The following FAM13A variants were observed in gnomAD, a reference collection of about 807,000 sequenced individuals.
FAM13A encodes protein FAM13A.
Under a neutral mutation model 129.6 loss-of-function variants are expected in FAM13A, and 76 were observed. That is an observed-to-expected ratio of 0.59 (90% confidence interval 0.49 to 0.71). The LOEUF (loss-of-function observed/expected upper bound fraction) is 0.71, where lower values mean the gene tolerates loss of function less well. Ranked by LOEUF, FAM13A falls within the 30% of genes least tolerant of loss-of-function variation. The probability of loss-of-function intolerance (pLI) is 0.00; values close to 1 mark genes in which losing one functional copy is unlikely to be tolerated. For missense variants in FAM13A, 1,108 were observed against 1,249.3 expected (o/e 0.89, Z 1.70); for synonymous variants, 443 against 449.9 (o/e 0.98, Z 0.20).
intron 4 of FAM13A, among the ~76,000 whole-genome samples, chr4:88,943,233 T>C (rs1755079913): frequency 6.6e-6 from 1 of 152,218 alleles, no homozygotes; most frequent in Non-Finnish European, 1.5e-5. Context: ...AAACTAACTT[T>C]TGAACATTCC....
intron 1 of FAM13A, among the ~76,000 whole-genome samples, chr4:89,040,928 G>A (rs186825495): frequency 6.6e-6 from 1 of 152,236 alleles, no homozygotes; most frequent in East Asian, 1.9e-4. Context: ...TGAGTCTTCT[G>A]CCCTCCACCT....
chr4:88,826,300 G>A (rs1444577107), intron 7 of FAM13A, among the ~76,000 whole-genome samples: 1 of 127,482 alleles, frequency 7.8e-6, no homozygotes, highest in Non-Finnish European at 1.6e-5. Context: ...CATACCAACT[G>A]GCACGTAGGA....
At chr4:88,895,569 A>G (rs1230670403) in intron 6 of FAM13A, among the ~76,000 whole-genome samples, 2 of 150,160 alleles carry the variant, frequency 1.3e-5, no homozygotes, top group Non-Finnish European at 3.0e-5. Context: ...AAACAAATTT[A>G]CAAGAAAAAA....
intron 1 of FAM13A, among the ~76,000 whole-genome samples, chr4:89,036,450 A>G (rs1463118616): frequency 6.6e-6 from 1 of 152,246 alleles, no homozygotes. Context: ...ATGAGCAAAG[A>G]GATTATCTGA....
chr4:88,838,320 A>G (rs879772517), intron 7 of FAM13A, among the ~76,000 whole-genome samples: 4 of 152,242 alleles, frequency 2.6e-5, no homozygotes, highest in Non-Finnish European at 5.9e-5. Flanking sequence ...TTAAGCACTG[A>G]ATATGGAAAA....
chr4:88,741,635 T>C (rs1740279576), intron 19 of FAM13A, among the ~76,000 whole-genome samples: 1 of 152,216 alleles, frequency 6.6e-6, no homozygotes, highest in Non-Finnish European at 1.5e-5. Context: ...TCTGCATTTA[T>C]GTTATACAGG....
intron 1 of FAM13A, among the ~76,000 whole-genome samples, chr4:89,046,074 A>C (rs1013763463): frequency 6.6e-6 from 1 of 151,920 alleles, no homozygotes; most frequent in Non-Finnish European, 1.5e-5. Flanking sequence ...CATATTTAAT[A>C]ATCAGCCAAG....
intron 7 of FAM13A, among the ~76,000 whole-genome samples, chr4:88,847,004 A>T (rs1281352447): frequency 6.6e-6 from 1 of 152,232 alleles, no homozygotes; most frequent in Non-Finnish European, 1.5e-5. Flanking sequence ...TATATAAAGG[A>T]TTTAAAATTT....
chr4:88,862,499 T>C (rs1739654106), intron 6 of FAM13A, among the ~76,000 whole-genome samples: 1 of 152,226 alleles, frequency 6.6e-6, no homozygotes, highest in Admixed American at 6.5e-5. Context: ...CTTTATTTGC[T>C]ATTCAGTAGG....
chr4:88,822,933 C>A, intron 7 of FAM13A: 1 of 1,604,818 alleles, frequency 6.2e-7, no homozygotes, highest in Non-Finnish European at 8.5e-7. Context: ...TGATACAACT[C>A]AAAAAATACA....
chr4:88,906,278 ACT>A (rs1350106260), intron 6 of FAM13A, 99 bp downstream of exon 6: 2 of 834,358 alleles, frequency 2.4e-6, no homozygotes, highest in Admixed American at 4.4e-5. Context: ...ATAAAGCAAG[ACT>A]CTGTCTCAAA....
In FAM13A at chr4:88,915,139, A is replaced by G. The variant is rs1749902844; in HGVS notation, c.760-8677T>C. Among the ~76,000 whole-genome samples the G allele has an allele frequency of 2.0e-5, 3 of 152,212 alleles. No homozygotes were observed. In the South Asian group the frequency reaches 6.2e-4, roughly 32 times the overall value. On this transcript the variant is annotated intron_variant, in intron 5 of 23. Coordinates refer to ENST00000264344, the MANE Select transcript of FAM13A (RefSeq NM_014883.4). ...AGGAAAGCGCATGTAGAACAGTGCT[A>G]CTTTGCACATAACCAGGGTCCAATA... is the stretch of plus-strand genomic sequence containing the variant.
intron 7 of FAM13A, among the ~76,000 whole-genome samples, chr4:88,839,625 G>A (rs1045170893): frequency 1.3e-5 from 2 of 152,278 alleles, no homozygotes; most frequent in Middle Eastern, 3.4e-3. Flanking sequence ...AGTGGCTCAC[G>A]CCTGTAATCC....
chr4:88,783,834 C>A (rs1723439844), intron 10 of FAM13A, among the ~76,000 whole-genome samples: 1 of 152,004 alleles, frequency 6.6e-6, no homozygotes, highest in South Asian at 2.1e-4. Context: ...CATGTGCAGA[C>A]ACAGTGAAAA....
At chr4:88,828,984 T>C (rs1170826207) in intron 7 of FAM13A, among the ~76,000 whole-genome samples, 3 of 152,226 alleles carry the variant, frequency 2.0e-5, no homozygotes. Flanking sequence ...TTTCTAATTT[T>C]CTTACATAAC....
Position 88,728,460 on chromosome 4 carries a change from C to T in FAM13A, c.*73G>A. The T allele has an allele frequency of 3.1e-6, 5 of 1,599,146 alleles. No individual in the cohort carries two copies. The highest frequency in any genetic ancestry group is 4.3e-6 in the Non-Finnish European group (5 of 1,169,858). ...GCAGGGCCAGCCCCAAGGCTGCCTT[C>T]CAGAGCTGCACTTTCTCTGGGGACA... On this transcript the variant is annotated 3_prime_UTR_variant, in exon 24 of 24. Coordinates refer to ENST00000264344, the MANE Select transcript of FAM13A (RefSeq NM_014883.4).
chr4:88,756,344 T>C (rs1379750084), intron 14 of FAM13A, among the ~76,000 whole-genome samples: 3 of 152,216 alleles, frequency 2.0e-5, no homozygotes, highest in African/African-American at 7.2e-5. Context: ...TCCCTTTTTG[T>C]TTACTTGATA....
chr4:88,918,780 A>G (rs184304867), intron 5 of FAM13A, among the ~76,000 whole-genome samples: 50 of 152,334 alleles, frequency 3.3e-4, no homozygotes, highest in African/African-American at 1.2e-3. Flanking sequence ...TGTGTACACC[A>G]TATCATTTCC....
intron 6 of FAM13A, among the ~76,000 whole-genome samples, chr4:88,869,548 A>G (rs1355616569): frequency 6.6e-6 from 1 of 152,208 alleles, no homozygotes; most frequent in Non-Finnish European, 1.5e-5. Flanking sequence ...TTCCTTCAAG[A>G]GGTCTTCCCT....
Sources: gnomAD v4.1 joint callset for allele counts (sites outside exome capture counted in the v4.1 genomes callset) on GRCh38, gnomAD v4.1.1 for gene constraint, MANE v1.5 for transcripts, NCBI Gene and HGNC (gene_info 2026-07-23, HGNC 2026-07-21) for gene names.